Variants in NCOR1 observed in about 807,000 individuals in gnomAD.
The protein encoded by NCOR1 is nuclear receptor corepressor 1.
A neutral mutation model predicts 288.1 loss-of-function variants in NCOR1; 63 were observed. The observed-to-expected ratio is 0.22, with a 90% CI of 0.18 to 0.27. The LOEUF (loss-of-function observed/expected upper bound fraction) is 0.27. NCOR1 is among the 10% of genes least tolerant of loss of function. NCOR1 has a pLI of 1.00. For missense variants in NCOR1, 2,397 were observed against 3,019.2 expected (o/e 0.79, Z 4.83); for synonymous variants, 1,007 against 1,065.9 (o/e 0.94, Z 1.08).
At chr17:16,155,561 C>G (rs1410578567) in intron 6 of NCOR1, among the ~76,000 whole-genome samples, 2 of 152,064 alleles carry the variant, frequency 1.3e-5, no homozygotes. Flanking sequence ...ACTAAACAAA[C>G]TTAGACTGAA....
At chr17:16,175,455 T>C (rs1432487088) in intron 3 of NCOR1, among the ~76,000 whole-genome samples, 1 of 152,186 alleles carries the variant, frequency 6.6e-6, no homozygotes, top group Non-Finnish European at 1.5e-5. Context: ...TAACACCATC[T>C]TTAAACATCT....
At chr17:16,181,790 T>C (rs718576) in intron 3 of NCOR1, among the ~76,000 whole-genome samples, 1,695 of 152,288 alleles carry the variant, frequency 0.011, 36 homozygotes, top group African/African-American at 0.038. Flanking sequence ...CAGTACCAAC[T>C]AGCCTTAGTT....
chr17:16,109,408 TACATG>T (rs1173982109), intron 18 of NCOR1, among the ~76,000 whole-genome samples: 1 of 152,094 alleles, frequency 6.6e-6, no homozygotes, highest in Non-Finnish European at 1.5e-5. Context: ...TATTTATGTA[TACATG>T]TAAACACAAC....
chr17:16,107,162 T>C (rs1445947198), intron 19 of NCOR1, among the ~76,000 whole-genome samples: 1 of 152,018 alleles, frequency 6.6e-6, no homozygotes, highest in East Asian at 1.9e-4. Flanking sequence ...CCCCAAGTGT[T>C]GGGGTTACAG....
At chr17:16,072,290 TG>T in intron 28 of NCOR1, 62 bp from the exon 29 acceptor site, 1 of 1,218,788 alleles carries the variant, frequency 8.2e-7, no homozygotes, top group Non-Finnish European at 1.2e-6. Flanking sequence ...TCACATATAC[TG>T]AATGCTGTTC....
chr17:16,148,683 A>AC (rs2046303336), intron 9 of NCOR1, among the ~76,000 whole-genome samples: 1 of 149,608 alleles, frequency 6.7e-6, no homozygotes, highest in South Asian at 2.1e-4. Flanking sequence ...AAAAAAAAAA[A>AC]AAAAAAACAA....
At chr17:16,138,912 T>A in intron 12 of NCOR1, 96 bp downstream of exon 12, 1 of 960,564 alleles carries the variant, frequency 1.0e-6, no homozygotes, top group Non-Finnish European at 1.5e-6. Flanking sequence ...TGGGACCAAG[T>A]TTTTGTGAAA....
In NCOR1 at chr17:16,098,339, A is replaced by G. The variant is rs368764414; in HGVS notation, c.2820+28T>C. The G allele has an allele frequency of 2.3e-5, 37 of 1,606,316 alleles. 1 individual carries two copies. In the East Asian group the frequency reaches 3.1e-4, roughly 14 times the overall value. On this transcript the variant is annotated intron_variant, in intron 21 of 45. Coordinates refer to ENST00000268712, the MANE Select transcript of NCOR1 (RefSeq NM_006311.4). ...ATAAAGGTCTCAGTTTTTCATATTTAGTTTTCTTCCTCACAATAAAAACTT... is the reference window on the plus strand; with the variant it reads ...ATAAAGGTCTCAGTTTTTCATATTTGGTTTTCTTCCTCACAATAAAAACTT...
At chr17:16,214,993 C>A (rs1017642392) in intron 1 of NCOR1, among the ~76,000 whole-genome samples, 14 of 152,380 alleles carry the variant, frequency 9.2e-5, no homozygotes, top group African/African-American at 3.4e-4. Context: ...TGAGCCCAGG[C>A]CCGCCACCTG....
chr17:16,063,613 T>A (rs1381208612), intron 35 of NCOR1, among the ~76,000 whole-genome samples: 2 of 152,224 alleles, frequency 1.3e-5, no homozygotes, highest in Admixed American at 6.5e-5. Context: ...TTAATCCATC[T>A]ATTCCACTCG....
chr17:16,154,786 C>T (rs574714723), intron 6 of NCOR1, among the ~76,000 whole-genome samples: 6 of 152,196 alleles, frequency 3.9e-5, no homozygotes, highest in African/African-American at 9.6e-5. Context: ...AGGACTGAAG[C>T]GTGAGACTCA....
intron 22 of NCOR1, 92 bp from the exon 23 acceptor site, chr17:16,086,534 A>G: frequency 8.6e-7 from 1 of 1,158,428 alleles, no homozygotes; most frequent in Middle Eastern, 2.4e-4. Flanking sequence ...TTTTTAAATC[A>G]CTAATTAAAA....
intron 14 of NCOR1, among the ~76,000 whole-genome samples, chr17:16,126,862 C>T (rs958101692): frequency 1.3e-5 from 2 of 152,112 alleles, no homozygotes; most frequent in African/African-American, 4.8e-5. Context: ...ACTAAGTGTG[C>T]AATGAATGCT....
chr17:16,094,566 C>G (rs1240047061), intron 21 of NCOR1, among the ~76,000 whole-genome samples: 1 of 152,022 alleles, frequency 6.6e-6, no homozygotes. Context: ...CCTCCCCTCT[C>G]CCCTCTCCCC....
chr17:16,193,886 C>G (rs1008670509), intron 2 of NCOR1, among the ~76,000 whole-genome samples: 1 of 151,958 alleles, frequency 6.6e-6, no homozygotes, highest in African/African-American at 2.4e-5. Flanking sequence ...ACCGTTTTAT[C>G]CCATCCTTTC....
chr17:16,044,699 A>G, intron 42 of NCOR1: 1 of 692,918 alleles, frequency 1.4e-6, no homozygotes. Flanking sequence ...CACGGAGGAT[A>G]AGATCAATGC....
intron 19 of NCOR1, among the ~76,000 whole-genome samples, chr17:16,102,689 G>T (rs1429537086): frequency 6.6e-6 from 1 of 152,042 alleles, no homozygotes; most frequent in Non-Finnish European, 1.5e-5. Context: ...CGCCTCCCAG[G>T]TTCCAGCGAT....
chr17:16,119,399 G>A, intron 17 of NCOR1, 24 bp downstream of exon 17: 1 of 1,567,096 alleles, frequency 6.4e-7, no homozygotes, highest in Non-Finnish European at 8.7e-7. Context: ...AAAAACCTGA[G>A]AAACCAGAAC....
At chr17:16,103,952 G>T (rs957392791) in intron 19 of NCOR1, among the ~76,000 whole-genome samples, 3 of 152,240 alleles carry the variant, frequency 2.0e-5, no homozygotes, top group African/African-American at 7.2e-5. Flanking sequence ...GGAGGTTGTG[G>T]TGAGCCGAGA....
Sources: gnomAD v4.1 joint callset for allele counts (sites outside exome capture counted in the v4.1 genomes callset) on GRCh38, gnomAD v4.1.1 for gene constraint, MANE v1.5 for transcripts, NCBI Gene and HGNC (gene_info 2026-07-23, HGNC 2026-07-21) for gene names.